MBP: variants seen among roughly 807,000 people sequenced by gnomAD.
MBP encodes the protein myelin basic protein.
Under a neutral mutation model 35.8 loss-of-function variants are expected in MBP, and 16 were observed. That is an observed-to-expected ratio of 0.45 (90% CI 0.30 to 0.68). MBP has a LOEUF of 0.68. Ranked by LOEUF, MBP falls within the 30% of genes least tolerant of loss-of-function variation. The probability of loss-of-function intolerance (pLI) is 0.08; values close to 1 mark genes in which losing one functional copy is unlikely to be tolerated. For missense variants in MBP, 380 were observed against 404.7 expected, an observed-to-expected ratio of 0.94 and a Z score of 0.52; for synonymous variants, 143 against 159.6, an observed-to-expected ratio of 0.90 and a Z score of 0.78.
chr18:77,019,007 T>C (rs1281856790), intron 3 of MBP, among the ~76,000 whole-genome samples: 1 of 143,400 alleles, frequency 7.0e-6, no homozygotes, highest in Non-Finnish European at 1.5e-5. Flanking sequence ...CATCCACTCA[T>C]GTATCCATCT....
At chr18:77,066,243 G>T in intron 3 of MBP, 55 bp downstream of exon 3, 1 of 1,290,722 alleles carries the variant, frequency 7.7e-7, no homozygotes, top group Non-Finnish European at 1.1e-6. Context: ...GAGTGAGAGT[G>T]CAGGTGCACG....
chr18:77,070,190 T>TA (rs746219229), intron 2 of MBP, among the ~76,000 whole-genome samples: 6 of 152,160 alleles, frequency 3.9e-5, no homozygotes, highest in Non-Finnish European at 7.4e-5. Context: ...GGCTCAGACT[T>TA]ACGAGAGGGG....
chr18:77,097,476 TA>T, intron 2 of MBP: 1 of 152,254 alleles, frequency 6.6e-6, no homozygotes, highest in East Asian at 1.9e-4. Flanking sequence ...GGCGATGTCC[TA>T]GGGGAGAAGG....
At chr18:76,984,560 A>C in intron 8 of MBP, 1 of 613,776 alleles carries the variant, frequency 1.6e-6, no homozygotes, top group Non-Finnish European at 2.8e-6. Context: ...GCCCTTCCTC[A>C]AGCACCTCCG....
At chr18:77,064,244 T>A (rs1382453230) in intron 3 of MBP, among the ~76,000 whole-genome samples, 1 of 152,212 alleles carries the variant, frequency 6.6e-6, no homozygotes. Flanking sequence ...AACTCATAGA[T>A]TGTCTATTCT....
chr18:77,067,180 G>A (rs534506272), intron 2 of MBP, among the ~76,000 whole-genome samples: 2 of 152,216 alleles, frequency 1.3e-5, no homozygotes, highest in Non-Finnish European at 2.9e-5. Context: ...CAGTGGCTGC[G>A]TGCTGAAACC....
intron 3 of MBP, among the ~76,000 whole-genome samples, chr18:77,047,430 C>T (rs569354565): frequency 6.6e-6 from 1 of 152,372 alleles, no homozygotes; most frequent in East Asian, 1.9e-4. Flanking sequence ...CGCAAATCCA[C>T]AGGCATGGAA....
chr18:77,000,658 T>G (rs1048726993), intron 4 of MBP, among the ~76,000 whole-genome samples: 2 of 152,244 alleles, frequency 1.3e-5, no homozygotes, highest in Admixed American at 6.5e-5. Context: ...GCACCCAGGC[T>G]GCTGCCCGCC....
At chr18:77,116,343 G>A (rs559205701) in intron 1 of MBP, among the ~76,000 whole-genome samples, 6 of 152,342 alleles carry the variant, frequency 3.9e-5, no homozygotes, top group Admixed American at 6.5e-5. Flanking sequence ...GCATTTTACC[G>A]GGTGAGTCCT....
At chr18:77,130,176 C>A (rs191772999) in intron 1 of MBP, among the ~76,000 whole-genome samples, 1 of 152,098 alleles carries the variant, frequency 6.6e-6, no homozygotes, top group East Asian at 1.9e-4. Context: ...TGAAATCATT[C>A]TTGAAAGGAA....
intron 4 of MBP, chr18:77,005,881 G>C (rs948499919): frequency 6.6e-6 from 1 of 152,316 alleles, no homozygotes; most frequent in African/African-American, 2.4e-5. Context: ...TTCAGAGGAC[G>C]AGGCTCCTGT....
At chr18:76,997,732 G>C (rs1392717593) in intron 4 of MBP, among the ~76,000 whole-genome samples, 2 of 151,196 alleles carry the variant, frequency 1.3e-5, no homozygotes, top group Non-Finnish European at 3.0e-5. Flanking sequence ...CCCCAGGCTG[G>C]AGTGCAGTGG....
At position 77,044,840 on chromosome 18, in the gene MBP, A is replaced by G. The variant is rs1973164132; in HGVS notation, c.139+21458T>C. ...CAGAAATGTCTGTTCTCTTAACAAC[A>G]ATTGTGAGGATGACTGTAAGGTTGT... is the stretch of plus-strand genomic sequence containing the variant. On this transcript the variant is annotated intron_variant, in intron 3 of 8. Coordinates refer to ENST00000355994, the MANE Select transcript of MBP (RefSeq NM_001025101.2). This position sits in a 1 kb window ranked among gnomAD's most constrained non-coding sequence, Gnocchi z 4.4. 6.6e-6 allele frequency among the ~76,000 whole-genome samples: 1 copy of G among 152,002 alleles called. No homozygotes were observed. Among genetic ancestry groups the G allele is most frequent in the African/African-American group, 2.4e-5 (1 of 41,366 alleles).
chr18:76,985,010 G>T (rs964484822), intron 7 of MBP, 116 bp from the exon 8 acceptor site: 1 of 1,538,708 alleles, frequency 6.5e-7, no homozygotes, highest in Non-Finnish European at 8.8e-7. Flanking sequence ...GACTGGACTG[G>T]TGAGTGGTTC....
chr18:77,044,562 C>T lies in MBP; in HGVS notation c.139+21736G>A, dbSNP rs1386721511. Among the ~76,000 whole-genome samples the T allele has an allele frequency of 6.6e-6, 1 of 152,134 alleles. No individual in the cohort carries two copies. ...GGCCCTCGGCCTCGCTGTCTCACAT[C>T]ACTCGCCTCCCTACCCCACCTCCCT... On this transcript the variant is annotated intron_variant, in intron 3 of 8. Coordinates refer to ENST00000355994, the MANE Select transcript of MBP (RefSeq NM_001025101.2). The surrounding 1 kb of genome is among the most constrained non-coding windows in gnomAD (Gnocchi z 4.4).
At chr18:77,090,869 G>C (rs953001733) in intron 2 of MBP, among the ~76,000 whole-genome samples, 1 of 152,194 alleles carries the variant, frequency 6.6e-6, no homozygotes, top group Non-Finnish European at 1.5e-5. Flanking sequence ...CCCTGGAGGA[G>C]AAGAGAAGGG....
intron 3 of MBP, among the ~76,000 whole-genome samples, chr18:77,061,515 C>A (rs1241023077): frequency 3.3e-5 from 5 of 152,176 alleles, no homozygotes; most frequent in African/African-American, 1.2e-4. Flanking sequence ...CAGAGGAGTT[C>A]ATTGCTAAAA....
chr18:77,054,356 G>C (rs541878834), intron 3 of MBP, among the ~76,000 whole-genome samples: 1 of 152,370 alleles, frequency 6.6e-6, no homozygotes, highest in Non-Finnish European at 1.5e-5. Flanking sequence ...ATCTGGGCAA[G>C]AGACTTAAGG....
At chr18:77,123,262 A>T (rs994433685) in intron 1 of MBP, among the ~76,000 whole-genome samples, 1 of 152,252 alleles carries the variant, frequency 6.6e-6, no homozygotes, top group Non-Finnish European at 1.5e-5. Flanking sequence ...GAGTATCCAT[A>T]AACGTTCCTC....
Sources: allele counts gnomAD v4.1 joint callset (sites outside exome capture counted in the v4.1 genomes callset), GRCh38; gene constraint gnomAD v4.1.1; non-coding constraint Gnocchi (gnomAD v3.1); transcripts MANE v1.5; gene names NCBI Gene and HGNC (gene_info 2026-07-23, HGNC 2026-07-21).